Variants in CHRNB4 observed in about 807,000 individuals in gnomAD.
The protein encoded by CHRNB4 is neuronal acetylcholine receptor subunit beta-4.
Under a neutral mutation model 40.4 loss-of-function variants are expected in CHRNB4, and 23 were observed. That is an observed-to-expected ratio of 0.57 (90% CI 0.41 to 0.81). CHRNB4 has a LOEUF of 0.81. Ranked by LOEUF, CHRNB4 falls within the 30% of genes least tolerant of loss-of-function variation. The probability of loss-of-function intolerance (pLI) is 0.00; values close to 1 mark genes in which losing one functional copy is unlikely to be tolerated. For synonymous variants in CHRNB4, 285 were observed against 274.4 expected (o/e 1.04, Z -0.38); for missense variants, 568 against 670.6 (o/e 0.85, Z 1.69).
intron 6 of CHRNB4, among the ~76,000 whole-genome samples, chr15:78,650,185 C>T (rs1445065761): frequency 6.6e-6 from 1 of 152,190 alleles, no homozygotes; most frequent in Non-Finnish European, 1.5e-5. Context: ...GGGGTTCTGC[C>T]CGTGACTGTC....
At chr15:78,638,474 C>G (rs2054000777) in intron 1 of CHRNB4, among the ~76,000 whole-genome samples, 1 of 152,262 alleles carries the variant, frequency 6.6e-6, no homozygotes, top group Admixed American at 6.5e-5. Context: ...CTCTTTCCGA[C>G]AGAGGTCTTC....
chr15:78,661,214 TGGG>T, upstream of CHRNB4: 2 of 610,348 alleles, frequency 3.3e-6, no homozygotes, highest in South Asian at 2.7e-5. Context: ...CTGCTGCCCT[TGGG>T]GGAGTCCAGG....
At chr15:78,659,879 G>A (rs1315468704) in intron 1 of CHRNB4, among the ~76,000 whole-genome samples, 4 of 152,204 alleles carry the variant, frequency 2.6e-5, no homozygotes, top group African/African-American at 9.6e-5. Flanking sequence ...CAATGTGGGA[G>A]CAGGGAACCA....
intron 1 of CHRNB4, among the ~76,000 whole-genome samples, chr15:78,639,207 T>C (rs923918089): frequency 6.6e-6 from 1 of 152,238 alleles, no homozygotes; most frequent in African/African-American, 2.4e-5. Context: ...AAGATTAGAT[T>C]CTGCATCTGG....
intron 5 of CHRNB4, among the ~76,000 whole-genome samples, chr15:78,654,453 A>T (rs2054196428): frequency 6.6e-6 from 1 of 152,190 alleles, no homozygotes; most frequent in African/African-American, 2.4e-5. Context: ...ATTAGGAGAG[A>T]CTGCAGAGGT....
At chr15:78,647,450 G>A (rs1567137504) in intron 7 of CHRNB4, among the ~76,000 whole-genome samples, 1 of 151,792 alleles carries the variant, frequency 6.6e-6, no homozygotes, top group Non-Finnish European at 1.5e-5. Flanking sequence ...TGCAAACATA[G>A]GAAGAGGTTT....
intron 5 of CHRNB4, among the ~76,000 whole-genome samples, chr15:78,654,645 G>A (rs1472136902): frequency 2.6e-5 from 4 of 152,180 alleles, no homozygotes; most frequent in South Asian, 2.1e-4. Context: ...GGCAGATTCC[G>A]GAGTCCAGAT....
intron 1 of CHRNB4, among the ~76,000 whole-genome samples, chr15:78,637,961 G>T (rs954333189): frequency 9.2e-5 from 14 of 152,312 alleles, no homozygotes; most frequent in Admixed American, 6.5e-4. Context: ...TGTAGCCCCA[G>T]GCTAGAGCTG....
intron 2 of CHRNB4, chr15:78,634,854 C>G (rs1046713747): frequency 2.3e-6 from 1 of 443,864 alleles, no homozygotes; most frequent in Non-Finnish European, 4.5e-6. Flanking sequence ...TCAGCACCCC[C>G]ACCTCTGCCC....
intron 6 of CHRNB4, among the ~76,000 whole-genome samples, chr15:78,650,448 G>C (rs927784393): frequency 2.0e-4 from 30 of 152,104 alleles, no homozygotes; most frequent in African/African-American, 6.3e-4. Flanking sequence ...CTGATGCCTT[G>C]GGCTCCAGAC....
At chr15:78,657,631 G>A (rs1420933537) in intron 2 of CHRNB4, among the ~76,000 whole-genome samples, 1 of 150,012 alleles carries the variant, frequency 6.7e-6, no homozygotes, top group Non-Finnish European at 1.5e-5. Flanking sequence ...TCGGCTCACT[G>A]CAAGCTCAGC....
intron 2 of CHRNB4, 21 bp from the exon 3 acceptor site, chr15:78,631,353 A>G (rs756662392): frequency 6.2e-7 from 1 of 1,611,906 alleles, no homozygotes; most frequent in Non-Finnish European, 8.5e-7. Context: ...AAACGGGGCT[A>G]TCAGTTCACC....
In CHRNB4 at chr15:78,641,128, C is replaced by T; in HGVS notation, c.6G>A (p.Arg2=). M[R]RAPSLVLFFL... is the part of the protein sequence containing the mutation. ...AGAAAAGGACCAGGGAAGGCGCGCG[C>T]CTCATGGCCGGCGGGGCCGGGTGGC... Residue 2 remains arginine, a synonymous_variant, in exon 1 of 6, where the codon AGG becomes AGA. Transcript: ENST00000261751. 1 of 1,567,922 alleles carries T rather than the reference C, an allele frequency of 6.4e-7. No homozygotes were observed. The highest frequency in any genetic ancestry group is 8.6e-7 in the Non-Finnish European group (1 of 1,158,302).
chr15:78,649,526 CAT>C (rs1306159117), intron 6 of CHRNB4: 4 of 353,834 alleles, frequency 1.1e-5, no homozygotes, highest in African/African-American at 8.8e-5. Flanking sequence ...CAACAGAGAC[CAT>C]ATGTTGCCTG....
Position 78,631,118 on chromosome 15 carries a change from G to A in CHRNB4, c.317C>T (p.Pro106Leu). 3.1e-6 allele frequency: 5 copies of A among 1,614,226 alleles called. No homozygotes were observed. Among genetic ancestry groups the A allele is most frequent in the Non-Finnish European group, 4.2e-6 (5 of 1,180,042 alleles). Residue 106 changes from proline to leucine, a missense_variant, in exon 4 of 6, where the codon CCT becomes CTT. By Grantham distance (98) the Pro-to-Leu change is moderately conservative. Around this residue, in one of 4 missense-constraint regions of CHRNB4, gnomAD observed 161 missense variants for 148.1 expected, o/e 1.09. Coordinates refer to ENST00000261751, the MANE Select transcript of CHRNB4 (RefSeq NM_000750.5). Reference sequence around the variant, plus strand: ...GTCAGGCAACCAGATGCGCTTTGCAGGGATCCTCAGGATGTTCACACCCTC... The same window carrying A: ...GTCAGGCAACCAGATGCGCTTTGCAAGGATCCTCAGGATGTTCACACCCTC... Reference protein sequence around the residue: ...RYEGVNILRIPAKRIWLPDIV... With the variant: ...RYEGVNILRILAKRIWLPDIV...
chr15:78,633,979 G>A (rs898126300), intron 2 of CHRNB4, among the ~76,000 whole-genome samples: 1 of 152,092 alleles, frequency 6.6e-6, no homozygotes, highest in Admixed American at 6.5e-5. Context: ...AGACTCTGGA[G>A]TCAATGACAA....
In CHRNB4 at chr15:78,649,352, C is replaced by T. The variant is rs117587288; in HGVS notation, c.46+27G>A. On this transcript the variant is annotated intron_variant and NMD_transcript_variant, in intron 7 of 11. Transcript: ENST00000559849. ...ACTTAGATGTCCATCAACAAGAACACGGAGGAATGAACTGTGGGATACTCA... is the reference window on the plus strand; with the variant it reads ...ACTTAGATGTCCATCAACAAGAACATGGAGGAATGAACTGTGGGATACTCA... 209 of 444,550 alleles carry T rather than the reference C, an allele frequency of 4.7e-4. No homozygotes were observed. In the East Asian group the frequency reaches 9.1e-3, roughly 19 times the overall value. The allele number at this position is 444,550 out of a possible 1,614,324, so 27.5% of individuals were successfully genotyped here.
intron 1 of CHRNB4, among the ~76,000 whole-genome samples, chr15:78,637,554 T>C (rs947212773): frequency 5.9e-5 from 9 of 151,990 alleles, no homozygotes; most frequent in Admixed American, 5.9e-4. Context: ...CAGGAGTCGA[T>C]TACATCTTCC....
At chr15:78,641,373 A>C, upstream of CHRNB4, 1 of 453,764 alleles carries the variant, frequency 2.2e-6, no homozygotes. Context: ...TGGCTTCCCT[A>C]TCTCTTCGGG....
Sources: gnomAD v4.1 joint callset for allele counts (sites outside exome capture counted in the v4.1 genomes callset) on GRCh38, gnomAD v4.1.1 for gene constraint, gnomAD v4.1.1 regional missense constraint, MANE v1.5 for transcripts, NCBI Gene and HGNC (gene_info 2026-07-23, HGNC 2026-07-21) for gene names.